C1QTNF9B: variants seen among roughly 807,000 people sequenced by gnomAD.
C1QTNF9B encodes the protein complement C1q and tumor necrosis factor-related protein 9B.
In C1QTNF9B, 9 loss-of-function variants were observed where a neutral mutation model predicts 10.1. The observed-to-expected ratio is 0.89, with a 90% CI of 0.53 to 1.55. The LOEUF (loss-of-function observed/expected upper bound fraction) is 1.55. C1QTNF9B is among the 40% of genes most tolerant of loss of function. The probability of loss-of-function intolerance (pLI) is 0.00; values close to 1 mark genes in which losing one functional copy is unlikely to be tolerated. For missense variants in C1QTNF9B, 196 were observed against 414.4 expected (o/e 0.47, Z 4.58); for synonymous variants, 79 against 159.9 (o/e 0.49, Z 3.82).
At position 23,891,467 on chromosome 13, in the gene C1QTNF9B, T is replaced by C. The variant is rs375775414; in HGVS notation, c.824A>G (p.His275Arg). Residue 275 changes from histidine (H) to arginine (R), a missense_variant, in exon 3 of 3, where the codon CAC becomes CGC. Around this residue, in one of 5 missense-constraint regions of C1QTNF9B, gnomAD observed 72 missense variants for 87.1 expected, o/e 0.83. Coordinates refer to ENST00000382137, the Ensembl canonical transcript of C1QTNF9B. Reference sequence around the variant, plus strand: ...AGAGCTCACGTAAGCATCTCTGGTGTGCAGTATTTTTACTCCGTTTTTGAC... The same window carrying C: ...AGAGCTCACGTAAGCATCTCTGGTGCGCAGTATTTTTACTCCGTTTTTGAC... 2.5e-6 allele frequency: 4 copies of C among 1,581,756 alleles called. No homozygotes were observed. In the African/African-American group the frequency reaches 4.1e-5, roughly 16 times the overall value.
chr13:23,892,461 G>T lies in C1QTNF9B; in HGVS notation c.230-400C>A, dbSNP rs111588986. 5.3e-5 allele frequency among the ~76,000 whole-genome samples: 8 copies of T among 151,996 alleles called. No homozygotes were observed. The East Asian group carries it at 1.5e-3, about 29-fold the overall frequency. On this transcript the variant is annotated intron_variant, in intron 2 of 2. Coordinates refer to ENST00000382137, the Ensembl canonical transcript of C1QTNF9B. ...CTTGAGTCCAGGAATTCAAGATCAG[G>T]CTAGGCAACATGGCAAAACCTCATC...
At chr13:23,893,199 T>C (rs951896985) in intron 2 of C1QTNF9B, among the ~76,000 whole-genome samples, 3 of 152,192 alleles carry the variant, frequency 2.0e-5, no homozygotes, top group Non-Finnish European at 4.4e-5. Context: ...AACTACCTAG[T>C]GTCTGGGGAT....
At chr13:23,896,758 G>C (rs553437220) in intron 1 of C1QTNF9B, 63 bp downstream of exon 3, 7 of 1,599,534 alleles carry the variant, frequency 4.4e-6, no homozygotes, top group Non-Finnish European at 6.0e-6. Context: ...CAGATGATGA[G>C]TGAATGAGAT....
intron 2 of C1QTNF9B, among the ~76,000 whole-genome samples, chr13:23,893,428 C>T (rs1872086075): frequency 6.6e-6 from 1 of 152,158 alleles, no homozygotes; most frequent in African/African-American, 2.4e-5. Flanking sequence ...CAAATTCAGC[C>T]TCCCTCCCGC....
Position 23,891,483 on chromosome 13 carries a change from C to T in C1QTNF9B, c.808G>A (p.Gly270Arg), listed in dbSNP as rs765374311. The change falls in exon 3 of 3, where the codon GGA becomes AGA. Residue 270 changes from glycine (G) to arginine (R), a missense_variant. Transcript: ENST00000382137. Reference sequence around the variant, plus strand: ...TCTCTGGTGTGCAGTATTTTTACTCCGTTTTTGACCAAAGACACCTGAACA... The same window carrying T: ...TCTCTGGTGTGCAGTATTTTTACTCTGTTTTTGACCAAAGACACCTGAACA... 1.0e-5 allele frequency: 16 copies of T among 1,594,100 alleles called. No individual in the cohort carries two copies. The East Asian group carries it at 2.2e-4, about 22-fold the overall frequency.
intron 2 of C1QTNF9B, among the ~76,000 whole-genome samples, chr13:23,893,345 T>A (rs1872081962): frequency 6.6e-6 from 1 of 152,192 alleles, no homozygotes; most frequent in South Asian, 2.1e-4. Context: ...ATGCACCAAG[T>A]CAAAAACTCA....
chr13:23,896,717 T>C (rs1872214347), intron 1 of C1QTNF9B, 104 bp downstream of exon 3: 8 of 1,524,378 alleles, frequency 5.2e-6, no homozygotes, highest in Non-Finnish European at 7.1e-6. Context: ...GATGGATGGA[T>C]GGGTTGTGAG....
In C1QTNF9B at chr13:23,892,438, T is replaced by G. The variant is rs573025548; in HGVS notation, c.230-377A>C. 1.4e-4 allele frequency among the ~76,000 whole-genome samples: 21 copies of G among 152,270 alleles called. No individual in the cohort carries two copies. The East Asian group carries it at 2.5e-3, about 18-fold the overall frequency. ...GGGAGGCCAAGAGAGGCAGACTACT[T>G]GAGTCCAGGAATTCAAGATCAGGCT... On this transcript the variant is annotated intron_variant, in intron 2 of 2. Coordinates refer to ENST00000382137, the Ensembl canonical transcript of C1QTNF9B.
chr13:23,894,357 G>A (rs947353126), intron 1 of C1QTNF9B, among the ~76,000 whole-genome samples, 156 bp from the exon 4 acceptor site: 2 of 151,862 alleles, frequency 1.3e-5, no homozygotes, highest in Non-Finnish European at 2.9e-5. Flanking sequence ...AGAGAGGCAG[G>A]CATGAGCGGG....
rs1487803912 is a variant in C1QTNF9B at position 23,891,212 on chromosome 13, A to G, written c.*77T>C. The G allele has an allele frequency of 1.7e-5, 21 of 1,272,548 alleles. 3 individuals carry two copies. Among genetic ancestry groups the G allele is most frequent in the Non-Finnish European group, 2.1e-5 (20 of 946,310 alleles). 78.8% of individuals were successfully genotyped at this position (1,272,548 alleles called of 1,614,324 possible). ...TATTGTAATAATTGGAGGAATTAATAAAGTAAAACCATCTGAATAAGTTCA... is the reference window on the plus strand; with the variant it reads ...TATTGTAATAATTGGAGGAATTAATGAAGTAAAACCATCTGAATAAGTTCA... On this transcript the variant is annotated 3_prime_UTR_variant, in exon 3 of 3. Transcript: ENST00000382137.
chr13:23,895,659 A>G (rs548588356), intron 1 of C1QTNF9B, among the ~76,000 whole-genome samples: 1 of 152,224 alleles, frequency 6.6e-6, no homozygotes, highest in South Asian at 2.1e-4. Context: ...ATTTTGTATC[A>G]CCTATTTATC....
At chr13:23,896,350 T>C (rs1389692919) in intron 1 of C1QTNF9B, among the ~76,000 whole-genome samples, 2 of 152,228 alleles carry the variant, frequency 1.3e-5, no homozygotes, top group Non-Finnish European at 2.9e-5. Flanking sequence ...ATGTGTCATC[T>C]GTCACTCCGC....
In C1QTNF9B at chr13:23,896,821, C is replaced by G. The variant is rs777240931; in HGVS notation, c.166G>C (p.Gly56Arg). ...GCAGCCGAAGCCGTCAGGTGAGTACCTGCATCGCCTTTGTCACCCTTCGCT... is the reference window on the plus strand; with the variant it reads ...GCAGCCGAAGCCGTCAGGTGAGTACGTGCATCGCCTTTGTCACCCTTCGCT... The change falls in exon 1 of 3, where the codon GGA becomes CGA. Residue 56 changes from glycine (G) to arginine (R), a missense_variant and splice_region_variant. Physicochemically the swap from Gly to Arg is moderately radical, Grantham distance 125. Transcript: ENST00000382137. 52 of 1,612,642 alleles carry G rather than the reference C, an allele frequency of 3.2e-5. No individual in the cohort carries two copies. The South Asian group carries it at 4.5e-4, about 14-fold the overall frequency.
At chr13:23,892,459 A>G (rs1872041206) in intron 2 of C1QTNF9B, among the ~76,000 whole-genome samples, 1 of 152,226 alleles carries the variant, frequency 6.6e-6, no homozygotes, top group Admixed American at 6.5e-5. Context: ...ATTCAAGATC[A>G]GGCTAGGCAA....
At chr13:23,895,784 C>CACAT (rs1283597958) in intron 1 of C1QTNF9B, among the ~76,000 whole-genome samples, 11 of 151,940 alleles carry the variant, frequency 7.2e-5, no homozygotes, top group African/African-American at 2.7e-4. Flanking sequence ...CACACACACA[C>CACAT]ACCACTGTGG....
chr13:23,892,374 G>T (rs1183912624), intron 2 of C1QTNF9B, among the ~76,000 whole-genome samples: 1 of 152,184 alleles, frequency 6.6e-6, no homozygotes, highest in African/African-American at 2.4e-5. Flanking sequence ...AATTACTCCA[G>T]CCCAGCTCAG....
intron 2 of C1QTNF9B, among the ~76,000 whole-genome samples, chr13:23,892,967 C>T (rs972314215): frequency 1.3e-5 from 2 of 152,134 alleles, no homozygotes; most frequent in Non-Finnish European, 2.9e-5. Flanking sequence ...CCCTCTCCTG[C>T]CCAACCCCAG....
intron 1 of C1QTNF9B, among the ~76,000 whole-genome samples, chr13:23,895,756 T>TAGAC (rs1555245155): frequency 2.7e-5 from 4 of 146,594 alleles, no homozygotes; most frequent in African/African-American, 1.0e-4. Context: ...GACACAGACA[T>TAGAC]ACACACACAC....
At chr13:23,897,129 G>A (rs1872232267), upstream of C1QTNF9B, 2 of 1,202,470 alleles carry the variant, frequency 1.7e-6, no homozygotes, top group Middle Eastern at 2.1e-4. Flanking sequence ...CACCTGGACA[G>A]ACTTGGCAGA....
Sources: allele counts gnomAD v4.1 joint callset (sites outside exome capture counted in the v4.1 genomes callset), GRCh38; gene constraint gnomAD v4.1.1; regional missense constraint gnomAD v4.1.1; transcripts MANE v1.5; gene names NCBI Gene and HGNC (gene_info 2026-07-23, HGNC 2026-07-21).